MAST4: variants seen among roughly 807,000 people sequenced by gnomAD.
The protein encoded by MAST4 is microtubule-associated serine/threonine-protein kinase 4.
Under a neutral mutation model 162.7 loss-of-function variants are expected in MAST4, and 89 were observed. The observed-to-expected ratio is 0.55, with a 90% CI of 0.46 to 0.65. The LOEUF (loss-of-function observed/expected upper bound fraction) is 0.65. Among genes scored for constraint, MAST4 ranks in the 30% least tolerant of loss-of-function variants. MAST4 has a pLI of 0.00. For missense variants in MAST4, 3,153 were observed against 3,374.0 expected (o/e 0.93, Z 1.62); for synonymous variants, 1,479 against 1,361.1 (o/e 1.09, Z -1.91).
intron 9 of MAST4, among the ~76,000 whole-genome samples, 176 bp downstream of exon 9, chr5:67,102,787 A>T (rs1026226379): frequency 2.0e-5 from 3 of 152,232 alleles, no homozygotes; most frequent in African/African-American, 7.2e-5. Flanking sequence ...TTAAGCTAAC[A>T]ACTGCTGAGA....
rs566457118 is a variant in MAST4 at position 67,165,351 on chromosome 5, A to G, written c.6172A>G (p.Asn2058Asp). ...PGEARPPPRDNSSLHSAGIPC... is the reference protein window; with the variant it reads ...PGEARPPPRDDSSLHSAGIPC... ...TGAGGCGAGGCCCCCGCCCAGAGAC[A>G]ACTCCTCTCTGCACTCAGCTGGAAT... is the stretch of plus-strand genomic sequence containing the variant. The change falls in exon 29 of 29, where the codon AAC (asparagine) becomes GAC (aspartate). Residue 2058 changes from asparagine (N) to aspartate (D), a missense_variant. Transcript: ENST00000403625. 298 of 1,613,600 alleles carry G rather than the reference A, an allele frequency of 1.8e-4. No homozygotes were observed. The highest frequency in any genetic ancestry group is 4.8e-4 in the African/African-American group (36 of 75,000).
At chr5:66,981,022 A>G (rs113934783) in intron 4 of MAST4, among the ~76,000 whole-genome samples, 176 of 152,314 alleles carry the variant, frequency 1.2e-3, no homozygotes, top group African/African-American at 4.0e-3. Context: ...CTAAAGAAAA[A>G]ATAGTGCTGG....
At chr5:67,145,415 A>C (rs778785760) in intron 23 of MAST4, 36 bp downstream of exon 23, 46 of 1,575,494 alleles carry the variant, frequency 2.9e-5, no homozygotes, top group Non-Finnish European at 3.5e-5. Flanking sequence ...TGTCCTCCTC[A>C]CCACACTAAG....
intron 3 of MAST4, among the ~76,000 whole-genome samples, chr5:66,820,301 A>G (rs1756931536): frequency 6.6e-6 from 1 of 152,212 alleles, no homozygotes; most frequent in Admixed American, 6.5e-5. Context: ...AGAAGCTCAT[A>G]AAATACTTAG....
intron 1 of MAST4, among the ~76,000 whole-genome samples, chr5:66,687,842 A>G (rs1207912390): frequency 6.6e-6 from 1 of 152,176 alleles, no homozygotes; most frequent in Non-Finnish European, 1.5e-5. Flanking sequence ...TGGGATTTCT[A>G]GCAGCAATTT....
intron 1 of MAST4, among the ~76,000 whole-genome samples, chr5:66,737,081 A>G (rs1429511304): frequency 2.0e-5 from 3 of 152,198 alleles, no homozygotes; most frequent in Non-Finnish European, 2.9e-5. Context: ...CCCCAAATTG[A>G]ATAGCTTAAA....
intron 1 of MAST4, among the ~76,000 whole-genome samples, chr5:66,757,693 G>T (rs1388650524): frequency 6.6e-6 from 1 of 152,194 alleles, no homozygotes; most frequent in African/African-American, 2.4e-5. Context: ...GTGCATGTGT[G>T]AAGAGGAGAG....
intron 4 of MAST4, chr5:67,004,887 A>G (rs918952429): frequency 1.2e-5 from 8 of 669,948 alleles, no homozygotes; most frequent in Non-Finnish European, 1.9e-5. Context: ...TGAGTAGATA[A>G]TTGGGATTTT....
At chr5:66,621,551 A>G (rs886577817) in intron 1 of MAST4, among the ~76,000 whole-genome samples, 1 of 152,150 alleles carries the variant, frequency 6.6e-6, no homozygotes, top group Non-Finnish European at 1.5e-5. Context: ...AGTATTCTAT[A>G]TTTATTTATT....
chr5:66,791,941 A>G (rs1031866312), intron 3 of MAST4, among the ~76,000 whole-genome samples: 5 of 152,204 alleles, frequency 3.3e-5, no homozygotes, highest in African/African-American at 1.2e-4. Flanking sequence ...TGGATGCCAT[A>G]TCACTTATTT....
At chr5:67,141,345 G>T (rs1464190870) in intron 19 of MAST4, among the ~76,000 whole-genome samples, 2 of 151,954 alleles carry the variant, frequency 1.3e-5, no homozygotes, top group African/African-American at 4.8e-5. Context: ...GGCAGGGCGG[G>T]GATCTGATTC....
chr5:67,024,598 C>T (rs994175862), intron 4 of MAST4, among the ~76,000 whole-genome samples: 4 of 151,822 alleles, frequency 2.6e-5, no homozygotes, highest in Non-Finnish European at 5.9e-5. Flanking sequence ...GAGGATAATC[C>T]TCTTTGGTGG....
intron 3 of MAST4, among the ~76,000 whole-genome samples, chr5:66,880,535 C>T (rs1210931977): frequency 6.6e-6 from 1 of 152,184 alleles, no homozygotes; most frequent in Non-Finnish European, 1.5e-5. Context: ...TCTGTGCTCA[C>T]TTCTAACTTC....
At chr5:67,103,320 G>A (rs1015372409) in intron 9 of MAST4, among the ~76,000 whole-genome samples, 1 of 152,206 alleles carries the variant, frequency 6.6e-6, no homozygotes, top group African/African-American at 2.4e-5. Flanking sequence ...CACAGCCTGT[G>A]TTGCCCTAAA....
At chr5:67,080,497 AG>A (rs1333564324) in intron 5 of MAST4, among the ~76,000 whole-genome samples, 1 of 152,206 alleles carries the variant, frequency 6.6e-6, no homozygotes, top group Non-Finnish European at 1.5e-5. Context: ...GCTTAAAACA[AG>A]CTCCACTAAT....
At chr5:66,908,791 G>C (rs1046318329) in intron 4 of MAST4, among the ~76,000 whole-genome samples, 5 of 152,080 alleles carry the variant, frequency 3.3e-5, no homozygotes, top group Non-Finnish European at 7.4e-5. Context: ...TAGCATTTTG[G>C]AGCTTGGACT....
At chr5:67,147,795 G>A (rs183695253) in intron 23 of MAST4, among the ~76,000 whole-genome samples, 2 of 152,348 alleles carry the variant, frequency 1.3e-5, no homozygotes, top group African/African-American at 4.8e-5. Flanking sequence ...GGAATATTCT[G>A]TTAAATGAGA....
intron 1 of MAST4, among the ~76,000 whole-genome samples, chr5:66,650,741 C>T (rs1746165630): frequency 6.6e-6 from 1 of 152,166 alleles, no homozygotes; most frequent in African/African-American, 2.4e-5. Context: ...AGCAGTACTC[C>T]AGAACATCAC....
intron 4 of MAST4, among the ~76,000 whole-genome samples, chr5:66,954,852 G>A (rs1267636973): frequency 1.3e-5 from 2 of 149,656 alleles, no homozygotes; most frequent in East Asian, 3.9e-4. Flanking sequence ...AGTGAGCCGA[G>A]ATCACGCTAC....
Sources: allele counts gnomAD v4.1 joint callset (sites outside exome capture counted in the v4.1 genomes callset), GRCh38; gene constraint gnomAD v4.1.1; transcripts MANE v1.5; gene names NCBI Gene and HGNC (gene_info 2026-07-23, HGNC 2026-07-21).